The following MGST1 variants were observed in gnomAD, a reference collection of about 807,000 sequenced individuals.
The protein encoded by MGST1 is glutathione S-transferase 12.
Under a neutral mutation model 8.9 loss-of-function variants are expected in MGST1, and 5 were observed. The observed-to-expected ratio is 0.56, with a 90% CI of 0.29 to 1.19. The LOEUF (loss-of-function observed/expected upper bound fraction) is 1.19, where lower values mean the gene tolerates loss of function less well. MGST1 is among the 50% of genes most tolerant of loss of function. The pLI, the probability that MGST1 is intolerant of heterozygous loss-of-function variation, is 0.08. For synonymous variants in MGST1, 54 were observed against 67.8 expected (o/e 0.80, Z 1.00); for missense variants, 182 against 187.4 (o/e 0.97, Z 0.17).
downstream of MGST1, chr12:16,367,339 T>G (rs1191365474): frequency 1.3e-5 from 2 of 152,286 alleles, no homozygotes; most frequent in Admixed American, 6.5e-5. Context: ...CAGGAGATCT[T>G]AGGCCCAGAA....
chr12:16,360,253 C>A, intron 3 of MGST1: 3 of 701,056 alleles, frequency 4.3e-6, no homozygotes, highest in Non-Finnish European at 5.1e-6. Flanking sequence ...TCTTCCCTTT[C>A]CATTTTTAAG....
chr12:16,414,426 A>AT (rs1940768630), intron 1 of MGST1, among the ~76,000 whole-genome samples: 1 of 47,414 alleles, frequency 2.1e-5, no homozygotes, highest in Admixed American at 2.5e-4. Context: ...TTATTTATTT[A>AT]TTTTTTTGAG....
intron 1 of MGST1, among the ~76,000 whole-genome samples, chr12:16,351,000 AT>A (rs559310460): frequency 1.3e-5 from 2 of 151,896 alleles, no homozygotes; most frequent in East Asian, 1.9e-4. Context: ...GGAGGCTGCC[AT>A]TTTTTTCTCT....
chr12:16,447,169 C>T (rs770776332), intron 4 of MGST1, among the ~76,000 whole-genome samples: 1 of 151,892 alleles, frequency 6.6e-6, no homozygotes, highest in Non-Finnish European at 1.5e-5. Flanking sequence ...ATCCCATGGC[C>T]TTATATCCTG....
At chr12:16,574,586 TC>T (rs1257565384) in intron 4 of MGST1, among the ~76,000 whole-genome samples, 8 of 152,156 alleles carry the variant, frequency 5.3e-5, no homozygotes, top group Non-Finnish European at 1.0e-4. Flanking sequence ...TTAGGAACTT[TC>T]CCCCTATTTG....
At chr12:16,402,170 A>G in intron 1 of MGST1, 1 of 1,570,072 alleles carries the variant, frequency 6.4e-7, no homozygotes, top group Non-Finnish European at 8.8e-7. Flanking sequence ...TTTGTTTCAA[A>G]AACTCCACTT....
intron 4 of MGST1, among the ~76,000 whole-genome samples, chr12:16,485,959 C>T (rs901414536): frequency 1.3e-5 from 2 of 152,184 alleles, no homozygotes; most frequent in Non-Finnish European, 1.5e-5. Flanking sequence ...TTGCTCCATT[C>T]CAACCACATA....
intron 4 of MGST1, among the ~76,000 whole-genome samples, chr12:16,565,966 G>A (rs1942582060): frequency 9.3e-6 from 1 of 107,018 alleles, no homozygotes; most frequent in Non-Finnish European, 1.8e-5. Context: ...ATGGATGAAT[G>A]GATGAAGAAA....
chr12:16,524,439 G>T (rs1292420915), intron 4 of MGST1, among the ~76,000 whole-genome samples: 2 of 152,010 alleles, frequency 1.3e-5, no homozygotes, highest in South Asian at 2.1e-4. Context: ...AACTGTGGAG[G>T]TTCAAGGAAA....
At chr12:16,385,185 C>T (rs1940494018) in intron 1 of MGST1, among the ~76,000 whole-genome samples, 2 of 152,148 alleles carry the variant, frequency 1.3e-5, no homozygotes, top group Non-Finnish European at 2.9e-5. Flanking sequence ...GATCGCCTCC[C>T]CAGTATAAAG....
At position 16,582,366 on chromosome 12, in the gene MGST1, A is replaced by C. The variant is rs1297295536; in HGVS notation, n.483-7162A>C. ...TATTATTCATTTTAGACAGTGACAG[A>C]CTATTTGCTAATATCTTTCAAGTTT... On this transcript the variant is annotated intron_variant and non_coding_transcript_variant, in intron 4 of 4. Coordinates refer to the MGST1 transcript ENST00000538857. The surrounding 1 kb of genome is among the most constrained non-coding windows in gnomAD (Gnocchi z 4.1). Among the ~76,000 whole-genome samples the C allele has an allele frequency of 6.6e-6, 1 of 152,228 alleles. No individual in the cohort carries two copies. Among genetic ancestry groups the C allele is most frequent in the Non-Finnish European group, 1.5e-5 (1 of 68,038 alleles).
intron 4 of MGST1, among the ~76,000 whole-genome samples, chr12:16,473,582 T>A (rs2111159): frequency 0.96 from 145,662 of 152,290 alleles, 69,926 homozygotes; most frequent in Middle Eastern, 1. Flanking sequence ...AGAAATAATC[T>A]TTCTATTTAT....
chr12:16,515,085 A>G (rs1450151037), intron 4 of MGST1, among the ~76,000 whole-genome samples: 1 of 152,214 alleles, frequency 6.6e-6, no homozygotes, highest in Non-Finnish European at 1.5e-5. Flanking sequence ...TCTGTCATGA[A>G]CAGTTGGCCT....
chr12:16,564,907 C>G (rs967992185), intron 4 of MGST1, among the ~76,000 whole-genome samples: 1 of 152,082 alleles, frequency 6.6e-6, no homozygotes, highest in Admixed American at 6.6e-5. Flanking sequence ...TGCCTCAGCT[C>G]CCCAAGTAGC....
Position 16,401,384 on chromosome 12 carries a change from T to A in MGST1, n.778+17780T>A. 1.8e-6 allele frequency: 2 copies of A among 1,118,526 alleles called. No homozygotes were observed. Among genetic ancestry groups the A allele is most frequent in the East Asian group, 4.7e-5 (2 of 42,570 alleles). The allele number at this position is 1,118,526 out of a possible 1,614,324, so 69.3% of individuals were successfully genotyped here. ...TCAATTCCCACCCCAAATCCTAGGTTTCTGGTAATTTTGTTCAGGAGTTCT... is the reference window on the plus strand; with the variant it reads ...TCAATTCCCACCCCAAATCCTAGGTATCTGGTAATTTTGTTCAGGAGTTCT... On this transcript the variant is annotated intron_variant and non_coding_transcript_variant, in intron 1 of 1. Coordinates refer to the MGST1 transcript ENST00000359720. This position sits in a 1 kb window ranked among gnomAD's most constrained non-coding sequence, Gnocchi z 4.3.
chr12:16,431,104 C>T lies in MGST1; in HGVS notation n.779-6284C>T, dbSNP rs531869130. 2.6e-5 allele frequency among the ~76,000 whole-genome samples: 4 copies of T among 152,310 alleles called. No individual in the cohort carries two copies. In the South Asian group the frequency reaches 8.3e-4, roughly 32 times the overall value. ...ATGAACTAGTTCTGCTAGCTTCCAACTTTTCTTCTGCAGCTTTTAAAAATA... is the reference window on the plus strand; with the variant it reads ...ATGAACTAGTTCTGCTAGCTTCCAATTTTTCTTCTGCAGCTTTTAAAAATA... On this transcript the variant is annotated intron_variant and non_coding_transcript_variant, in intron 1 of 1. Transcript: ENST00000359720.
At chr12:16,448,625 CTG>C (rs1941102019) in intron 4 of MGST1, among the ~76,000 whole-genome samples, 1 of 151,916 alleles carries the variant, frequency 6.6e-6, no homozygotes. Flanking sequence ...AATTTAAAGT[CTG>C]TGTTATAGAT....
intron 2 of MGST1, 123 bp downstream of exon 2, chr12:16,354,501 G>C: frequency 1.1e-6 from 1 of 916,448 alleles, no homozygotes; most frequent in South Asian, 1.9e-5. Flanking sequence ...TGCTGTAAGT[G>C]AAGTATGCCA....
At chr12:16,527,823 G>T (rs1397816877) in intron 4 of MGST1, among the ~76,000 whole-genome samples, 4 of 152,080 alleles carry the variant, frequency 2.6e-5, no homozygotes, top group Non-Finnish European at 2.9e-5. Flanking sequence ...CCTGGAAACT[G>T]AAGTAGCCTT....
Sources: allele counts gnomAD v4.1 joint callset (sites outside exome capture counted in the v4.1 genomes callset), GRCh38; gene constraint gnomAD v4.1.1; non-coding constraint Gnocchi (gnomAD v3.1); transcripts MANE v1.5; gene names NCBI Gene and HGNC (gene_info 2026-07-23, HGNC 2026-07-21).